ATRIP: variants seen among roughly 807,000 people sequenced by gnomAD.
The protein encoded by ATRIP is ATR interacting protein.
ATRIP carries 44 observed loss-of-function variants against 78.1 expected under a neutral mutation model. The observed-to-expected ratio is 0.56, with a 90% CI of 0.44 to 0.72. ATRIP has a LOEUF of 0.72. Among genes scored for constraint, ATRIP ranks in the 30% least tolerant of loss-of-function variants. ATRIP has a pLI of 0.00. For missense variants in ATRIP, 927 were observed against 980.2 expected (o/e 0.95, Z 0.72); for synonymous variants, 388 against 408.9 (o/e 0.95, Z 0.62).
chr3:48,456,235 A>C (rs914845262), intron 4 of ATRIP, among the ~76,000 whole-genome samples: 10 of 152,046 alleles, frequency 6.6e-5, no homozygotes, highest in African/African-American at 2.2e-4. Context: ...TAAGGCTAGC[A>C]GTTCGAGACC....
rs756424189 is a variant in ATRIP at position 48,460,429 on chromosome 3, G to C, written c.1375G>C (p.Gly459Arg). Residue 459 changes from glycine to arginine, a missense_variant, in exon 8 of 13, where the codon GGG becomes CGG. Gly to Arg is a moderately radical substitution (Grantham distance 125). Transcript: ENST00000320211. Reference protein sequence around the residue: ...SPTHSSCVSSGVETNPEDSVC... With the variant: ...SPTHSSCVSSRVETNPEDSVC... ...GACACATTCCTCCTGCGTGAGCTCTGGGGTAGAGACCAACCCTGAGGACTC... is the reference window on the plus strand; with the variant it reads ...GACACATTCCTCCTGCGTGAGCTCTCGGGTAGAGACCAACCCTGAGGACTC... 1.9e-6 allele frequency: 3 copies of C among 1,612,606 alleles called. No individual in the cohort carries two copies. In the African/African-American group the frequency reaches 4.0e-5, roughly 22 times the overall value.
rs1331920811 is a variant in ATRIP at position 48,466,881 on chromosome 3, G to GCCTGCAGC, written c.*1337_*1344dup. On this transcript the variant is annotated 3_prime_UTR_variant, in exon 13 of 13. Transcript: ENST00000320211. Reference sequence around the variant, plus strand: ...CTCCCTGTGTGTGGCTCCGGGGAAGGCCTGCAGCCCTGCAGCCAGCGAGAT... The same window carrying GCCTGCAGC: ...CTCCCTGTGTGTGGCTCCGGGGAAGGCCTGCAGCCCTGCAGCCCTGCAGCCAGCGAGAT... The GCCTGCAGC allele has an allele frequency of 3.0e-5, 48 of 1,612,898 alleles. No homozygotes were observed. Among genetic ancestry groups the GCCTGCAGC allele is most frequent in the African/African-American group, 4.0e-5 (3 of 74,920 alleles).
chr3:48,446,765 C>A lies in ATRIP; in HGVS notation c.-81C>A, dbSNP rs570205560. The A allele has an allele frequency of 3.8e-4, 509 of 1,323,728 alleles. 1 individual carries two copies. The African/African-American group carries it at 5.0e-3, about 13-fold the overall frequency. 82.0% of individuals were successfully genotyped at this position (1,323,728 alleles called of 1,614,324 possible). ...CGCGGCGGAGGCAAGCGGCGGCGCG[C>A]GGACGGTTGGTCCAGTTCTCCGGCC... On this transcript the variant is annotated 5_prime_UTR_variant, in exon 1 of 13. Transcript: ENST00000320211.
intron 4 of ATRIP, among the ~76,000 whole-genome samples, chr3:48,456,423 T>C (rs1291489035): frequency 7.2e-6 from 1 of 139,268 alleles, no homozygotes; most frequent in African/African-American, 2.5e-5. Flanking sequence ...TAGAAATAAC[T>C]CTATCTCTAG....
intron 4 of ATRIP, among the ~76,000 whole-genome samples, chr3:48,456,017 A>G (rs972332113): frequency 6.6e-6 from 1 of 152,084 alleles, no homozygotes; most frequent in Non-Finnish European, 1.5e-5. Flanking sequence ...GCTATTTGGG[A>G]GGCTGAGGCA....
In ATRIP at chr3:48,466,916, G is replaced by A. The variant is rs1432060294; in HGVS notation, c.*1362G>A. 5 of 1,611,696 alleles carry A rather than the reference G, an allele frequency of 3.1e-6. No homozygotes were observed. Among genetic ancestry groups the A allele is most frequent in the East Asian group, 2.2e-5 (1 of 44,890 alleles). ...CTGCAGCCAGCGAGATCACAGGTCT[G>A]AGCACAGCTGTGCTGGCAGCGCATG... On this transcript the variant is annotated 3_prime_UTR_variant, in exon 13 of 13. Coordinates refer to ENST00000320211, the MANE Select transcript of ATRIP (RefSeq NM_130384.3).
chr3:48,454,147 G>A (rs1015851985), intron 3 of ATRIP, among the ~76,000 whole-genome samples, 153 bp from the exon 4 acceptor site: 1 of 152,144 alleles, frequency 6.6e-6, no homozygotes, highest in Admixed American at 6.5e-5. Context: ...CAGAAAGAAA[G>A]CTAATGTTTA....
intron 12 of ATRIP, 49 bp from the exon 13 acceptor site, chr3:48,465,438 G>A (rs1463811881): frequency 6.4e-7 from 1 of 1,571,576 alleles, no homozygotes; most frequent in Admixed American, 1.7e-5. Flanking sequence ...CCTGCCCTAG[G>A]CCCTGGCACC....
intron 12 of ATRIP, 37 bp downstream of exon 12, chr3:48,465,120 G>A (rs376185694): frequency 1.2e-5 from 19 of 1,581,448 alleles, no homozygotes; most frequent in Non-Finnish European, 1.5e-5. Flanking sequence ...CAGCCCCCAT[G>A]GCTTCTTCCA....
Position 48,465,516 on chromosome 3 carries a change from GA to G in ATRIP, c.2341del (p.Thr781ProfsTer34). 6.2e-7 allele frequency: 1 copy of G among 1,613,988 alleles called. No individual in the cohort carries two copies. Among genetic ancestry groups the G allele is most frequent in the Non-Finnish European group, 8.5e-7 (1 of 1,179,930 alleles). ...EAALDDLCAA[E>X]TDVEDPEVEC... ...AGCCCTGGATGACCTCTGTGCCGCG[GA>G]AACCGATGTGGAAGACCCCGAGGTG... On this transcript the variant is annotated frameshift_variant, in exon 13 of 13. Coordinates refer to ENST00000320211, the MANE Select transcript of ATRIP (RefSeq NM_130384.3). LOFTEE classifies it high-confidence loss of function.
chr3:48,459,129 C>T (rs911014671), intron 5 of ATRIP, among the ~76,000 whole-genome samples: 12 of 152,164 alleles, frequency 7.9e-5, no homozygotes, highest in African/African-American at 2.9e-4. Flanking sequence ...ATCTAATTGC[C>T]TCATTTTGAG....
At chr3:48,465,354 T>G in intron 12 of ATRIP, 133 bp from the exon 13 acceptor site, 1 of 950,968 alleles carries the variant, frequency 1.1e-6, no homozygotes, top group Non-Finnish European at 1.6e-6. Flanking sequence ...TTGTTTGCAG[T>G]AGCTGAGGGA....
chr3:48,459,280 A>T, intron 5 of ATRIP, 79 bp from the exon 6 acceptor site: 1 of 1,214,126 alleles, frequency 8.2e-7, no homozygotes, highest in Non-Finnish European at 1.2e-6. Flanking sequence ...CGTGTGTTTT[A>T]AACTCATTGC....
In ATRIP at chr3:48,466,010, C is replaced by T. The variant is rs2040277711; in HGVS notation, c.*456C>T. 1 of 316,850 alleles carries T rather than the reference C, an allele frequency of 3.2e-6. No homozygotes were observed. Among genetic ancestry groups the T allele is most frequent in the South Asian group, 2.9e-5 (1 of 34,300 alleles). 19.6% of individuals were successfully genotyped at this position (316,850 alleles called of 1,614,324 possible). ...CCGGGAGCTGGTCTGGCACCACTGC[C>T]CTGGTCCTTCCAGCTGCCTGTCACT... On this transcript the variant is annotated 3_prime_UTR_variant, in exon 13 of 13. Transcript: ENST00000320211.
At chr3:48,451,928 C>G in intron 3 of ATRIP, 29 bp downstream of exon 3, 1 of 1,566,570 alleles carries the variant, frequency 6.4e-7, no homozygotes, top group South Asian at 1.2e-5. Context: ...TTTGCACCAG[C>G]TTTGCCTGCC....
At chr3:48,447,115 T>C in intron 1 of ATRIP, 23 bp downstream of exon 1, 1 of 1,484,128 alleles carries the variant, frequency 6.7e-7, no homozygotes, top group Non-Finnish European at 9.0e-7. Flanking sequence ...CGCGGCCTTT[T>C]GCTCGGAGGG....
intron 4 of ATRIP, among the ~76,000 whole-genome samples, chr3:48,455,299 G>A (rs570948082): frequency 6.6e-6 from 1 of 152,202 alleles, no homozygotes; most frequent in East Asian, 1.9e-4. Flanking sequence ...GAGAACTGAG[G>A]GGATCCTCTT....
At chr3:48,459,572 G>C in intron 6 of ATRIP, 118 bp downstream of exon 6, 1 of 1,192,488 alleles carries the variant, frequency 8.4e-7, no homozygotes, top group Non-Finnish European at 1.2e-6. Context: ...GTCCAGGGAA[G>C]TCAAAGTATG....
At chr3:48,447,802 G>A (rs2039720077) in intron 1 of ATRIP, among the ~76,000 whole-genome samples, 1 of 152,188 alleles carries the variant, frequency 6.6e-6, no homozygotes, top group African/African-American at 2.4e-5. Context: ...CTAGCATGGT[G>A]CCGGCAAAGC....
Sources: allele counts gnomAD v4.1 joint callset (sites outside exome capture counted in the v4.1 genomes callset), GRCh38; gene constraint gnomAD v4.1.1; transcripts MANE v1.5; gene names NCBI Gene and HGNC (gene_info 2026-07-23, HGNC 2026-07-21).